OTOGL: variants seen among roughly 807,000 people sequenced by gnomAD.
OTOGL encodes the protein otogelin like, also known as otogelin-like protein.
In OTOGL, 285 loss-of-function variants were observed where a neutral mutation model predicts 318.5. That is an observed-to-expected ratio of 0.89 (90% CI 0.81 to 0.99). OTOGL has a LOEUF of 0.99. OTOGL is among the 50% of genes least tolerant of loss of function. The probability of loss-of-function intolerance (pLI) is 0.00; values close to 1 mark genes in which losing one functional copy is unlikely to be tolerated. For synonymous variants in OTOGL, 987 were observed against 936.5 expected, an observed-to-expected ratio of 1.05 and a Z score of -0.99; for missense variants, 2,899 against 2,845.6, an observed-to-expected ratio of 1.02 and a Z score of -0.43.
chr12:80,123,738 T>A (rs1182648225), intron 1 of OTOGL, among the ~76,000 whole-genome samples: 1 of 152,132 alleles, frequency 6.6e-6, no homozygotes, highest in Admixed American at 6.6e-5. Context: ...TTCTAACTGG[T>A]GTGAGATGGT....
intron 49 of OTOGL, among the ~76,000 whole-genome samples, chr12:80,357,756 T>A (rs1889998505): frequency 6.6e-6 from 1 of 152,168 alleles, no homozygotes; most frequent in Non-Finnish European, 1.5e-5. Flanking sequence ...GGGTTGTTTC[T>A]ACAGAGTGGC....
Position 80,100,879 on chromosome 12 carries a change from T to G in OTOGL, c.-20+1274T>G, listed in dbSNP as rs1869097683. 2.0e-5 allele frequency among the ~76,000 whole-genome samples: 3 copies of G among 152,200 alleles called. No individual in the cohort carries two copies. The South Asian group carries it at 6.2e-4, about 31-fold the overall frequency. The stretch of plus-strand genomic sequence containing the variant: ...TTTTTTTTCCCATGTGTTTCCCATT[T>G]CAAATGGAGAAAATGCTAGTACATT... On this transcript the variant is annotated intron_variant, in intron 1 of 58. Coordinates refer to ENST00000547103, the MANE Select transcript of OTOGL (RefSeq NM_001378609.3).
chr12:80,230,422 C>T (rs1028156437), intron 8 of OTOGL, among the ~76,000 whole-genome samples: 1 of 152,106 alleles, frequency 6.6e-6, no homozygotes, highest in East Asian at 1.9e-4. Context: ...TGCAGTTACA[C>T]GTGTATTTCC....
chr12:80,274,792 A>C (rs1041593586), intron 24 of OTOGL, among the ~76,000 whole-genome samples: 1 of 151,956 alleles, frequency 6.6e-6, no homozygotes, highest in African/African-American at 2.4e-5. Flanking sequence ...CCATTCAAAA[A>C]ATCCTAGGGC....
chr12:80,156,247 A>G (rs1873108282), intron 1 of OTOGL, among the ~76,000 whole-genome samples: 2 of 152,188 alleles, frequency 1.3e-5, no homozygotes, highest in South Asian at 4.1e-4. Flanking sequence ...TTTCTCGTCT[A>G]CATCTTTCTC....
intron 11 of OTOGL, among the ~76,000 whole-genome samples, chr12:80,247,375 G>A (rs1345059719): frequency 7.7e-5 from 10 of 129,918 alleles, no homozygotes; most frequent in East Asian, 4.4e-4. Flanking sequence ...CTTTGTTCTC[G>A]TTGGTTTCAA....
intron 1 of OTOGL, among the ~76,000 whole-genome samples, chr12:80,203,098 A>G (rs918682547): frequency 1.3e-5 from 2 of 152,182 alleles, no homozygotes; most frequent in Non-Finnish European, 2.9e-5. Flanking sequence ...GTGTGAATGC[A>G]TTCATTTTCT....
chr12:80,288,933 G>A (rs1425738699), intron 26 of OTOGL, among the ~76,000 whole-genome samples: 2 of 151,926 alleles, frequency 1.3e-5, no homozygotes, highest in Non-Finnish European at 2.9e-5. Context: ...GTCCAGTTTT[G>A]TGCCCTTGCC....
chr12:80,219,204 C>G (rs144264453), intron 5 of OTOGL, among the ~76,000 whole-genome samples: 1 of 151,634 alleles, frequency 6.6e-6, no homozygotes, highest in African/African-American at 2.4e-5. Flanking sequence ...CACCACTGCC[C>G]GGGTTCAAGT....
chr12:80,308,639 G>A (rs922543595), intron 29 of OTOGL, among the ~76,000 whole-genome samples: 80 of 152,210 alleles, frequency 5.3e-4, no homozygotes, highest in African/African-American at 1.7e-3. Context: ...AGGTTGTAGC[G>A]AGCCGAGATC....
At chr12:80,145,373 T>C (rs944419122) in intron 1 of OTOGL, among the ~76,000 whole-genome samples, 1 of 152,136 alleles carries the variant, frequency 6.6e-6, no homozygotes, top group Admixed American at 6.5e-5. Flanking sequence ...GTTGTAGATA[T>C]GCGGCGTTAT....
intron 19 of OTOGL, 139 bp downstream of exon 19, chr12:80,262,232 T>A (rs1051467129): frequency 2.2e-4 from 206 of 942,994 alleles, no homozygotes; most frequent in Middle Eastern, 1.5e-3. Context: ...CTCGTGTATT[T>A]TTTTTTTGCT....
chr12:80,380,668 T>A lies in OTOGL; in HGVS notation c.*2620T>A, dbSNP rs1891400671. 6.6e-6 allele frequency: 1 copy of A among 152,082 alleles called. No homozygotes were observed. The highest frequency in any genetic ancestry group is 2.1e-4 in the South Asian group (1 of 4,828). The allele number at this position is 152,082 out of a possible 1,614,324, so 9.4% of individuals were successfully genotyped here. On this transcript the variant is annotated 3_prime_UTR_variant, in exon 59 of 59. Coordinates refer to ENST00000547103, the MANE Select transcript of OTOGL (RefSeq NM_001378609.3). ...GGAAGATAAGCACTCTCACATGTCA[T>A]TGATGGTAACACAAAATTGTAGAAA...
chr12:80,222,649 C>T (rs111462978), intron 7 of OTOGL, among the ~76,000 whole-genome samples: 6 of 152,210 alleles, frequency 3.9e-5, no homozygotes, highest in Middle Eastern at 3.4e-3. Flanking sequence ...GGAGACCTCT[C>T]GAAAATATAA....
intron 35 of OTOGL, among the ~76,000 whole-genome samples, chr12:80,327,996 CA>C (rs1887807266): frequency 8.3e-6 from 1 of 120,030 alleles, no homozygotes; most frequent in Non-Finnish European, 1.7e-5. Context: ...GAGTGGAAAG[CA>C]ACAGTACAAT....
intron 19 of OTOGL, among the ~76,000 whole-genome samples, 189 bp downstream of exon 19, chr12:80,262,282 G>C (rs1210157536): frequency 2.0e-5 from 3 of 150,718 alleles, no homozygotes; most frequent in Non-Finnish European, 4.4e-5. Context: ...ATGTAATCTA[G>C]GTTGTTTTTT....
chr12:80,245,061 G>A (rs1327717011), intron 11 of OTOGL, among the ~76,000 whole-genome samples: 4 of 137,328 alleles, frequency 2.9e-5, no homozygotes, highest in Admixed American at 2.1e-4. Context: ...CTGGATATTA[G>A]CCCTTTGTCA....
intron 50 of OTOGL, 123 bp downstream of exon 50, chr12:80,358,472 A>T (rs1056898825): frequency 1.2e-6 from 1 of 860,088 alleles, no homozygotes; most frequent in Non-Finnish European, 1.8e-6. Flanking sequence ...GAGCTATCCT[A>T]GCACCAGTAC....
intron 1 of OTOGL, among the ~76,000 whole-genome samples, chr12:80,117,145 G>T (rs899135980): frequency 6.6e-6 from 1 of 152,076 alleles, no homozygotes; most frequent in African/African-American, 2.4e-5. Flanking sequence ...GGGGCCTGGA[G>T]TATCAGGGGT....
Sources: allele counts gnomAD v4.1 joint callset (sites outside exome capture counted in the v4.1 genomes callset), GRCh38; gene constraint gnomAD v4.1.1; transcripts MANE v1.5; gene names NCBI Gene and HGNC (gene_info 2026-07-23, HGNC 2026-07-21).